Variants in ADAMTS9 observed in about 807,000 individuals in gnomAD.
ADAMTS9 encodes the protein A disintegrin and metalloproteinase with thrombospondin motifs 9.
In ADAMTS9, 107 loss-of-function variants were observed where a neutral mutation model predicts 257.1. The ratio of observed to expected loss-of-function variants is 0.42; its 90% confidence interval spans 0.36 to 0.49. The LOEUF (loss-of-function observed/expected upper bound fraction) is 0.49, where lower values mean the gene tolerates loss of function less well. ADAMTS9 is among the 20% of genes least tolerant of loss of function. ADAMTS9 has a pLI of 0.03. For missense variants in ADAMTS9, 2,353 were observed against 2,469.1 expected, an observed-to-expected ratio of 0.95 and a Z score of 1.00; for synonymous variants, 982 against 880.9, an observed-to-expected ratio of 1.11 and a Z score of -2.03.
intron 30 of ADAMTS9, among the ~76,000 whole-genome samples, chr3:64,560,098 A>G (rs1490086600): frequency 6.6e-6 from 1 of 152,238 alleles, no homozygotes; most frequent in Non-Finnish European, 1.5e-5. Flanking sequence ...CTGAAAAGTT[A>G]TTTTATCCCC....
intron 36 of ADAMTS9, among the ~76,000 whole-genome samples, 200 bp downstream of exon 36, chr3:64,540,895 G>A (rs2083112217): frequency 6.6e-6 from 1 of 152,320 alleles, no homozygotes; most frequent in Non-Finnish European, 1.5e-5. Flanking sequence ...GAATACAGCA[G>A]TGAACAAAAG....
At chr3:64,541,443 G>A in intron 34 of ADAMTS9, 29 bp from the exon 35 acceptor site, 10 of 1,612,336 alleles carry the variant, frequency 6.2e-6, no homozygotes, top group Non-Finnish European at 8.5e-6. Context: ...CCCATGAAGA[G>A]TGGCTCAGAA....
At chr3:64,568,203 C>A (rs2083588773) in intron 29 of ADAMTS9, among the ~76,000 whole-genome samples, 165 bp downstream of exon 29, 2 of 152,204 alleles carry the variant, frequency 1.3e-5, no homozygotes, top group Admixed American at 6.5e-5. Context: ...CAATGTCACA[C>A]AGCTAGTAAG....
Position 64,663,707 on chromosome 3 carries a change from C to T in ADAMTS9, c.680-4916G>A, listed in dbSNP as rs79062861. Among the ~76,000 whole-genome samples the T allele has an allele frequency of 4.1e-3, 630 of 152,104 alleles. 17 individuals are homozygous for T. The East Asian group carries it at 0.082, about 20-fold the overall frequency. ...TTTCACCCACAAGTAATCTGTGTAT[C>T]GAAGAAATAATTCAGCATACTTTAG... On this transcript the variant is annotated intron_variant, in intron 3 of 39. Coordinates refer to ENST00000498707, the MANE Select transcript of ADAMTS9 (RefSeq NM_182920.2).
Position 64,620,216 on chromosome 3 carries a change from G to T in ADAMTS9, c.2813+898C>A, listed in dbSNP as rs1700073173. Among the ~76,000 whole-genome samples the T allele has an allele frequency of 2.0e-5, 3 of 152,134 alleles. No individual in the cohort carries two copies. In the South Asian group the frequency reaches 6.2e-4, roughly 32 times the overall value. On this transcript the variant is annotated intron_variant, in intron 19 of 39. Transcript: ENST00000498707. ...CTCACTTCCATGGCAGACATTAGTA[G>T]TCAATCTCAGAACTCCTCTATTTTC...
In ADAMTS9 at chr3:64,538,583, GCA is replaced by G. The variant is rs558310183; in HGVS notation, c.5613+618_5613+619del. ...AAGAAAATACAGATGGGATCATACTGCATGTAGTGTTTTGCATCTTGTTTTTT... is the reference window on the plus strand; with the variant it reads ...AAGAAAATACAGATGGGATCATACTGTGTAGTGTTTTGCATCTTGTTTTTT... On this transcript the variant is annotated intron_variant, in intron 37 of 39. Transcript: ENST00000498707. 1.1e-4 allele frequency among the ~76,000 whole-genome samples: 17 copies of G among 151,604 alleles called. No homozygotes were observed. In the South Asian group the frequency reaches 3.5e-3, roughly 32 times the overall value.
intron 3 of ADAMTS9, among the ~76,000 whole-genome samples, chr3:64,680,390 C>T (rs1271882337): frequency 6.6e-6 from 1 of 152,064 alleles, no homozygotes; most frequent in East Asian, 1.9e-4. Flanking sequence ...TCACGAACAT[C>T]CTAAGACGCA....
intron 11 of ADAMTS9, among the ~76,000 whole-genome samples, chr3:64,642,207 T>C (rs1700663634): frequency 6.6e-6 from 1 of 152,122 alleles, no homozygotes; most frequent in Non-Finnish European, 1.5e-5. Context: ...CTTGCTTGAA[T>C]AAAACTGGCC....
chr3:64,533,068 C>T, intron 38 of ADAMTS9, 98 bp downstream of exon 38: 1 of 1,105,208 alleles, frequency 9.0e-7, no homozygotes. Flanking sequence ...TGGGAAAGCA[C>T]ATTCGTTTGC....
intron 30 of ADAMTS9, among the ~76,000 whole-genome samples, chr3:64,551,431 G>A (rs1808944): frequency 1.1e-3 from 169 of 152,098 alleles, no homozygotes; most frequent in African/African-American, 3.6e-3. Flanking sequence ...GGATGATCTC[G>A]ATCTCCTGAC....
intron 16 of ADAMTS9, among the ~76,000 whole-genome samples, chr3:64,629,883 G>A (rs9872164): frequency 0.27 from 41,169 of 152,142 alleles, 7,150 homozygotes; most frequent in East Asian, 0.52. Context: ...AAGGCTCACT[G>A]TCTATCTATG....
At chr3:64,682,931 C>A (rs1701794616) in intron 2 of ADAMTS9, among the ~76,000 whole-genome samples, 1 of 152,126 alleles carries the variant, frequency 6.6e-6, no homozygotes, top group African/African-American at 2.4e-5. Flanking sequence ...GGCATTACCC[C>A]CTACTCACAG....
chr3:64,633,039 G>A (rs1206614128), intron 14 of ADAMTS9, among the ~76,000 whole-genome samples: 3 of 152,250 alleles, frequency 2.0e-5, no homozygotes, highest in Non-Finnish European at 4.4e-5. Flanking sequence ...AAATGATCGT[G>A]GTTAAAAATG....
At chr3:64,628,800 AT>A in intron 16 of ADAMTS9, among the ~76,000 whole-genome samples, 1 of 152,354 alleles carries the variant, frequency 6.6e-6, no homozygotes, top group East Asian at 1.9e-4. Context: ...TAAAGACAGC[AT>A]TGACAACGGC....
intron 37 of ADAMTS9, among the ~76,000 whole-genome samples, chr3:64,534,059 T>C (rs773267057): frequency 2.6e-5 from 4 of 152,242 alleles, no homozygotes; most frequent in Non-Finnish European, 4.4e-5. Flanking sequence ...GGCTTCCTAC[T>C]CCACAATGAG....
chr3:64,604,393 T>C (rs2084522517), intron 23 of ADAMTS9, 62 bp from the exon 24 acceptor site: 2 of 1,173,966 alleles, frequency 1.7e-6, no homozygotes, highest in South Asian at 1.5e-5. Flanking sequence ...TTCAAGGTAA[T>C]GGTCATGGTG....
intron 3 of ADAMTS9, among the ~76,000 whole-genome samples, chr3:64,669,319 C>T (rs868764566): frequency 2.6e-5 from 4 of 152,202 alleles, no homozygotes; most frequent in South Asian, 4.2e-4. Context: ...ATGGCACTTC[C>T]CAAAGCTCAT....
intron 38 of ADAMTS9, among the ~76,000 whole-genome samples, chr3:64,524,333 G>T (rs904216125): frequency 6.6e-6 from 1 of 152,132 alleles, no homozygotes; most frequent in Non-Finnish European, 1.5e-5. Flanking sequence ...AGAAAACTCT[G>T]ATAGAATTCT....
intron 38 of ADAMTS9, 123 bp downstream of exon 38, chr3:64,533,043 A>G: frequency 1.2e-6 from 1 of 824,852 alleles, no homozygotes; most frequent in Non-Finnish European, 1.9e-6. Context: ...TCCTGACACT[A>G]CAAAATGGCT....
Sources: gnomAD v4.1 joint callset for allele counts (sites outside exome capture counted in the v4.1 genomes callset) on GRCh38, gnomAD v4.1.1 for gene constraint, MANE v1.5 for transcripts, NCBI Gene and HGNC (gene_info 2026-07-23, HGNC 2026-07-21) for gene names.